CNOT4: variants seen among roughly 807,000 people sequenced by gnomAD.
The protein encoded by CNOT4 is CCR4-associated factor 4.
Under a neutral mutation model 73.8 loss-of-function variants are expected in CNOT4, and 8 were observed. The ratio of observed to expected loss-of-function variants is 0.11; its 90% CI spans 0.06 to 0.20. The LOEUF (loss-of-function observed/expected upper bound fraction) is 0.20. Among genes scored for constraint, CNOT4 ranks in the 10% least tolerant of loss-of-function variants. The pLI, the probability that CNOT4 is intolerant of heterozygous loss-of-function variation, is 1.00. For missense variants in CNOT4, 564 were observed against 883.4 expected (o/e 0.64, Z 4.58); for synonymous variants, 293 against 321.1 (o/e 0.91, Z 0.94).
chr7:135,491,791 C>T (rs1585727775), intron 1 of CNOT4, among the ~76,000 whole-genome samples: 2 of 152,090 alleles, frequency 1.3e-5, no homozygotes, highest in Non-Finnish European at 2.9e-5. Context: ...TGATGATATA[C>T]AGAGAGAAGG....
At chr7:135,375,050 AAAT>A (rs1795445292) in intron 10 of CNOT4, among the ~76,000 whole-genome samples, 4 of 152,226 alleles carry the variant, frequency 2.6e-5, no homozygotes. Flanking sequence ...CTCATTTATA[AAAT>A]GGAGATAACT....
intron 6 of CNOT4, among the ~76,000 whole-genome samples, chr7:135,411,772 C>T (rs1295579585): frequency 6.6e-6 from 1 of 151,824 alleles, no homozygotes; most frequent in Non-Finnish European, 1.5e-5. Context: ...CAAGTGAGGG[C>T]AATTGCACTT....
chr7:135,437,390 T>C (rs1326787493), intron 2 of CNOT4, among the ~76,000 whole-genome samples: 1 of 152,056 alleles, frequency 6.6e-6, no homozygotes, highest in African/African-American at 2.4e-5. Flanking sequence ...AGGGTTTCAC[T>C]GTGTTAGCCA....
intron 1 of CNOT4, among the ~76,000 whole-genome samples, chr7:135,458,019 A>G (rs1800652830): frequency 6.6e-6 from 1 of 152,108 alleles, no homozygotes; most frequent in Non-Finnish European, 1.5e-5. Flanking sequence ...GTTACTGAAC[A>G]TTTGTTTCAA....
intron 3 of CNOT4, among the ~76,000 whole-genome samples, chr7:135,418,353 A>G (rs897615647): frequency 6.6e-6 from 1 of 152,234 alleles, no homozygotes; most frequent in East Asian, 1.9e-4. Context: ...TATATACTCA[A>G]TATCACGATG....
intron 1 of CNOT4, among the ~76,000 whole-genome samples, chr7:135,449,288 G>C (rs1396825775): frequency 6.6e-6 from 1 of 152,150 alleles, no homozygotes; most frequent in African/African-American, 2.4e-5. Flanking sequence ...TGAGGTACGT[G>C]AAATATTCTG....
intron 1 of CNOT4, among the ~76,000 whole-genome samples, chr7:135,494,548 T>G (rs1455285168): frequency 6.7e-6 from 1 of 150,256 alleles, no homozygotes; most frequent in East Asian, 2.0e-4. Flanking sequence ...TATGGTAGAT[T>G]AACTTATTAA....
At chr7:135,368,981 C>T (rs1264335431) in intron 10 of CNOT4, among the ~76,000 whole-genome samples, 5 of 152,098 alleles carry the variant, frequency 3.3e-5, no homozygotes, top group African/African-American at 4.8e-5. Context: ...AAAACCTGCT[C>T]CTAACAGTAA....
chr7:135,444,969 C>A (rs537433985), intron 1 of CNOT4: 72 of 1,108,396 alleles, frequency 6.5e-5, no homozygotes, highest in Non-Finnish European at 8.9e-5. Flanking sequence ...CTGATGTAAG[C>A]CTCTTTGCCT....
chr7:135,365,766 A>G (rs1012712587), intron 10 of CNOT4, among the ~76,000 whole-genome samples: 3 of 152,234 alleles, frequency 2.0e-5, no homozygotes, highest in Non-Finnish European at 4.4e-5. Context: ...CATGATTAGC[A>G]GAGAGATATT....
chr7:135,459,539 G>A (rs1461287980), intron 1 of CNOT4, among the ~76,000 whole-genome samples: 1 of 152,172 alleles, frequency 6.6e-6, no homozygotes, highest in African/African-American at 2.4e-5. Flanking sequence ...TATATAACAT[G>A]AAATATAATC....
chr7:135,379,467 A>T (rs533954890), intron 10 of CNOT4, among the ~76,000 whole-genome samples: 1 of 152,176 alleles, frequency 6.6e-6, no homozygotes, highest in Non-Finnish European at 1.5e-5. Context: ...AGAAGGAAAA[A>T]ATTAGTAAAT....
chr7:135,491,288 A>AT (rs1803093415), intron 1 of CNOT4, among the ~76,000 whole-genome samples: 1 of 152,242 alleles, frequency 6.6e-6, no homozygotes, highest in African/African-American at 2.4e-5. Flanking sequence ...GAGATTGCTA[A>AT]GGGAATGAGC....
chr7:135,393,955 T>A lies in CNOT4; in HGVS notation c.1590A>T (p.Pro530=). Residue 530 remains proline, a synonymous_variant, in exon 10 of 12, where the codon CCA becomes CCT. Transcript: ENST00000541284. ...NSNFLDLNLP[P]QHNTGLGGIP... is the part of the protein sequence containing the mutation. The stretch of plus-strand genomic sequence containing the variant: ...TCCCTCCCAGACCTGTGTTGTGCTG[T>A]GGCGGGAGATTCAAGTCCAAGAAAT... 1 of 1,612,046 alleles carries A rather than the reference T, an allele frequency of 6.2e-7. No individual in the cohort carries two copies. The highest frequency in any genetic ancestry group is 8.5e-7 in the Non-Finnish European group (1 of 1,178,256).
chr7:135,485,085 G>GTT (rs1232273438), intron 1 of CNOT4, among the ~76,000 whole-genome samples: 4 of 152,004 alleles, frequency 2.6e-5, no homozygotes, highest in Non-Finnish European at 1.5e-5. Flanking sequence ...TTGTTTGTTT[G>GTT]TTTTTTGAGA....
chr7:135,370,399 CT>C (rs1350920621), intron 10 of CNOT4, among the ~76,000 whole-genome samples: 3 of 152,206 alleles, frequency 2.0e-5, no homozygotes, highest in African/African-American at 7.2e-5. Flanking sequence ...CTCCATTCTC[CT>C]TGTCTAGAAT....
intron 3 of CNOT4, among the ~76,000 whole-genome samples, chr7:135,416,853 T>G (rs531223929): frequency 9.9e-5 from 15 of 152,280 alleles, no homozygotes; most frequent in African/African-American, 3.6e-4. Context: ...ACCAGAGATG[T>G]CTTTCAAGGC....
At chr7:135,484,037 T>C (rs1443648278) in intron 1 of CNOT4, among the ~76,000 whole-genome samples, 1 of 151,584 alleles carries the variant, frequency 6.6e-6, no homozygotes, top group Admixed American at 6.6e-5. Flanking sequence ...CTACTAAAAA[T>C]ACAAAAAATT....
intron 7 of CNOT4, among the ~76,000 whole-genome samples, chr7:135,408,689 A>C (rs927083107): frequency 6.6e-6 from 1 of 152,066 alleles, no homozygotes; most frequent in Non-Finnish European, 1.5e-5. Context: ...ATGTCAATTC[A>C]CTTAACGTGC....
Sources: allele counts gnomAD v4.1 joint callset (sites outside exome capture counted in the v4.1 genomes callset), GRCh38; gene constraint gnomAD v4.1.1; transcripts MANE v1.5; gene names NCBI Gene and HGNC (gene_info 2026-07-23, HGNC 2026-07-21).